The following SPIRE1 variants were observed in gnomAD, a reference collection of about 807,000 sequenced individuals.
SPIRE1 encodes spire type actin nucleation factor 1.
SPIRE1 carries 40 observed loss-of-function variants against 94.1 expected under a neutral mutation model. The observed-to-expected ratio is 0.43, with a 90% CI of 0.33 to 0.55. The LOEUF (loss-of-function observed/expected upper bound fraction) is 0.55. Among genes scored for constraint, SPIRE1 ranks in the 20% least tolerant of loss-of-function variants. SPIRE1 has a pLI of 0.06. For missense variants in SPIRE1, 838 were observed against 975.2 expected, an observed-to-expected ratio of 0.86 and a Z score of 1.87; for synonymous variants, 376 against 371.7, an observed-to-expected ratio of 1.01 and a Z score of -0.13.
intron 2 of SPIRE1, among the ~76,000 whole-genome samples, chr18:12,618,661 A>G (rs963590197): frequency 6.6e-6 from 1 of 152,236 alleles, no homozygotes; most frequent in African/African-American, 2.4e-5. Context: ...TTCAGTTACA[A>G]TGGGCCAAAC....
intron 3 of SPIRE1, among the ~76,000 whole-genome samples, chr18:12,541,409 A>G (rs1388228160): frequency 6.6e-6 from 1 of 150,388 alleles, no homozygotes; most frequent in African/African-American, 2.5e-5. Context: ...GGTATTTTAA[A>G]CCTCCCTCTA....
At chr18:12,645,577 A>T (rs767293106) in intron 1 of SPIRE1, among the ~76,000 whole-genome samples, 2 of 152,040 alleles carry the variant, frequency 1.3e-5, no homozygotes, top group Non-Finnish European at 2.9e-5. Context: ...GACCTCCATC[A>T]TCTCCTGTTT....
At chr18:12,460,176 C>A (rs553394630) in intron 12 of SPIRE1, among the ~76,000 whole-genome samples, 1 of 152,226 alleles carries the variant, frequency 6.6e-6, no homozygotes, top group East Asian at 1.9e-4. Flanking sequence ...ATTTAGGGTC[C>A]TGCAAACACT....
At chr18:12,487,112 C>A (rs563643486) in intron 8 of SPIRE1, among the ~76,000 whole-genome samples, 147 of 152,292 alleles carry the variant, frequency 9.7e-4, no homozygotes, top group African/African-American at 3.4e-3. Context: ...CTCGGCCTCC[C>A]AAAATGTTGG....
At chr18:12,611,415 T>C (rs1014764884) in intron 2 of SPIRE1, among the ~76,000 whole-genome samples, 1 of 152,224 alleles carries the variant, frequency 6.6e-6, no homozygotes, top group African/African-American at 2.4e-5. Flanking sequence ...AGCACTCCTA[T>C]GGAGAAGAAG....
chr18:12,652,205 C>T (rs1300154643), intron 1 of SPIRE1, among the ~76,000 whole-genome samples: 1 of 152,170 alleles, frequency 6.6e-6, no homozygotes, highest in African/African-American at 2.4e-5. Flanking sequence ...ACCTAAACTG[C>T]ATCAGTTACT....
intron 1 of SPIRE1, among the ~76,000 whole-genome samples, chr18:12,640,715 GGAA>G (rs1334533338): frequency 2.0e-5 from 3 of 152,290 alleles, no homozygotes; most frequent in South Asian, 2.1e-4. Flanking sequence ...CTGCAGGGCG[GGAA>G]GAAGAATCTG....
chr18:12,572,246 G>A (rs2035975839), intron 2 of SPIRE1, among the ~76,000 whole-genome samples: 1 of 152,094 alleles, frequency 6.6e-6, no homozygotes, highest in Non-Finnish European at 1.5e-5. Flanking sequence ...AAAGGATATG[G>A]GTCTTTATCA....
chr18:12,586,227 T>G (rs761164349), intron 2 of SPIRE1, among the ~76,000 whole-genome samples: 11 of 152,218 alleles, frequency 7.2e-5, no homozygotes, highest in Non-Finnish European at 1.2e-4. Context: ...GTGCTGGGAT[T>G]ACAGGCATGA....
Position 12,550,195 on chromosome 18 carries a change from G to A in SPIRE1, c.373-3291C>T, listed in dbSNP as rs184120132. Among the ~76,000 whole-genome samples, 8 of 152,148 alleles carry A rather than the reference G, an allele frequency of 5.3e-5. No homozygotes were observed. The East Asian group carries it at 1.4e-3, about 26-fold the overall frequency. On this transcript the variant is annotated intron_variant, in intron 2 of 16. Coordinates refer to ENST00000409402, the MANE Select transcript of SPIRE1 (RefSeq NM_001128626.2). The stretch of plus-strand genomic sequence containing the variant: ...TACCCTCCAGTGCAATCCCATTTCT[G>A]TGCTCCCTTTACAAGCAAACCTCCC...
intron 6 of SPIRE1, among the ~76,000 whole-genome samples, chr18:12,503,723 G>A (rs1409947938): frequency 8.4e-6 from 1 of 118,506 alleles, no homozygotes; most frequent in Non-Finnish European, 1.9e-5. Context: ...ATAAGGTCTA[G>A]CACATAGAAA....
At chr18:12,498,390 T>C (rs1015693419) in intron 6 of SPIRE1, among the ~76,000 whole-genome samples, 1 of 152,156 alleles carries the variant, frequency 6.6e-6, no homozygotes, top group African/African-American at 2.4e-5. Context: ...TGAGCAACAA[T>C]GCCTTAAACA....
At chr18:12,603,581 T>G (rs1257623188) in intron 2 of SPIRE1, among the ~76,000 whole-genome samples, 1 of 151,530 alleles carries the variant, frequency 6.6e-6, no homozygotes, top group African/African-American at 2.4e-5. Flanking sequence ...CCAATTTTTT[T>G]TTTTTTTTTT....
At chr18:12,454,296 G>T in intron 13 of SPIRE1, 50 bp downstream of exon 13, 1 of 1,607,640 alleles carries the variant, frequency 6.2e-7, no homozygotes, top group South Asian at 1.1e-5. Context: ...CTATGCATGG[G>T]ACTGGCCATC....
At chr18:12,612,214 G>A (rs954480571) in intron 2 of SPIRE1, among the ~76,000 whole-genome samples, 6 of 152,090 alleles carry the variant, frequency 3.9e-5, no homozygotes, top group South Asian at 2.1e-4. Flanking sequence ...GATTTCACAC[G>A]GTTGATCACT....
intron 2 of SPIRE1, among the ~76,000 whole-genome samples, chr18:12,597,753 T>C (rs1434309252): frequency 1.3e-5 from 2 of 152,222 alleles, no homozygotes; most frequent in African/African-American, 2.4e-5. Context: ...CTACTTAAAA[T>C]AGCTGCTTAA....
At chr18:12,654,188 T>G (rs1261345591) in intron 1 of SPIRE1, among the ~76,000 whole-genome samples, 1 of 149,346 alleles carries the variant, frequency 6.7e-6, no homozygotes, top group East Asian at 2.0e-4. Context: ...AATACAAAAA[T>G]TAGCTGGGCA....
intron 2 of SPIRE1, among the ~76,000 whole-genome samples, chr18:12,615,925 C>A (rs2037295386): frequency 6.6e-6 from 1 of 152,144 alleles, no homozygotes; most frequent in African/African-American, 2.4e-5. Context: ...CCTTAGCAAC[C>A]TTTTACAGCT....
At chr18:12,506,366 T>C in intron 6 of SPIRE1, 111 bp downstream of exon 6, 2 of 905,038 alleles carry the variant, frequency 2.2e-6, no homozygotes, top group Non-Finnish European at 3.5e-6. Flanking sequence ...ACCATGTTGG[T>C]CAAGCTGGTC....
Sources: allele counts gnomAD v4.1 joint callset (sites outside exome capture counted in the v4.1 genomes callset), GRCh38; gene constraint gnomAD v4.1.1; transcripts MANE v1.5; gene names NCBI Gene and HGNC (gene_info 2026-07-23, HGNC 2026-07-21).